ITFG1: variants seen among roughly 807,000 people sequenced by gnomAD.
ITFG1 encodes the protein integrin alpha FG-GAP repeat containing 1, also known as T-cell immunomodulatory protein.
A neutral mutation model predicts 81.8 loss-of-function variants in ITFG1; 34 were observed. The observed-to-expected ratio is 0.42, with a 90% confidence interval of 0.32 to 0.55. ITFG1 has a LOEUF of 0.55. Ranked by LOEUF, ITFG1 falls within the 20% of genes least tolerant of loss-of-function variation. The pLI, the probability that ITFG1 is intolerant of heterozygous loss-of-function variation, is 0.17. For missense variants in ITFG1, 672 were observed against 755.4 expected (o/e 0.89, Z 1.29); for synonymous variants, 285 against 270.6 (o/e 1.05, Z -0.52).
chr16:47,388,247 T>C (rs1968486996), intron 6 of ITFG1, among the ~76,000 whole-genome samples: 1 of 152,106 alleles, frequency 6.6e-6, no homozygotes, highest in Non-Finnish European at 1.5e-5. Context: ...AGTTCTCTAG[T>C]AGAAGTGAGA....
At chr16:47,228,459 C>T (rs1014300988) in intron 13 of ITFG1, among the ~76,000 whole-genome samples, 1 of 152,136 alleles carries the variant, frequency 6.6e-6, no homozygotes. Context: ...TGTGCTCAGG[C>T]GATCCTCCCA....
intron 7 of ITFG1, among the ~76,000 whole-genome samples, chr16:47,366,411 C>A (rs1381824884): frequency 6.6e-6 from 1 of 152,112 alleles, no homozygotes; most frequent in South Asian, 2.1e-4. Flanking sequence ...GTTTACATAT[C>A]AATGAGAAGA....
rs1965336445 is a variant in ITFG1 at position 47,194,766 on chromosome 16, T to A, written c.1453+24102A>T. ...GGATATATGTGCAGAATGTGCAGGT[T>A]TGTTACATAGGTACACATGTGCCAT... On this transcript the variant is annotated intron_variant, in intron 14 of 17. Coordinates refer to ENST00000320640, the MANE Select transcript of ITFG1 (RefSeq NM_030790.5). 2.0e-5 allele frequency among the ~76,000 whole-genome samples: 3 copies of A among 152,286 alleles called. No homozygotes were observed. In the South Asian group the frequency reaches 6.2e-4, roughly 32 times the overall value.
At chr16:47,437,332 G>A (rs977496604) in intron 5 of ITFG1, among the ~76,000 whole-genome samples, 3 of 152,054 alleles carry the variant, frequency 2.0e-5, no homozygotes, top group African/African-American at 7.2e-5. Flanking sequence ...GTCAGGCATG[G>A]TGGCATGCAT....
intron 8 of ITFG1, among the ~76,000 whole-genome samples, chr16:47,325,809 C>T (rs923054008): frequency 1.3e-5 from 2 of 152,090 alleles, no homozygotes; most frequent in Non-Finnish European, 2.9e-5. Flanking sequence ...CAATAACAGG[C>T]TCTGAAACTG....
intron 10 of ITFG1, among the ~76,000 whole-genome samples, chr16:47,292,851 T>TATATA (rs1966925561): frequency 6.6e-6 from 1 of 151,660 alleles, no homozygotes. Flanking sequence ...TCTCTCTCCC[T>TATATA]TCCAAGTCTT....
chr16:47,360,723 T>G (rs1457938343), intron 8 of ITFG1, among the ~76,000 whole-genome samples: 21 of 152,164 alleles, frequency 1.4e-4, no homozygotes, highest in Admixed American at 1.4e-3. Flanking sequence ...TGATTTACTT[T>G]CCAGATCAAA....
At chr16:47,298,567 C>G (rs1449547565) in intron 10 of ITFG1, among the ~76,000 whole-genome samples, 1 of 151,854 alleles carries the variant, frequency 6.6e-6, no homozygotes, top group African/African-American at 2.4e-5. Context: ...AGACTCTGTA[C>G]AATATTAGTT....
At chr16:47,369,440 G>GC (rs1382875534) in intron 7 of ITFG1, among the ~76,000 whole-genome samples, 1 of 152,198 alleles carries the variant, frequency 6.6e-6, no homozygotes, top group Non-Finnish European at 1.5e-5. Flanking sequence ...GGAATGAAAG[G>GC]CAACAGTGTT....
chr16:47,438,047 G>A (rs1448955273), intron 5 of ITFG1, among the ~76,000 whole-genome samples: 1 of 152,214 alleles, frequency 6.6e-6, no homozygotes, highest in Non-Finnish European at 1.5e-5. Flanking sequence ...CCTGCACCTG[G>A]CTCGGAGGGT....
chr16:47,288,407 G>GGGT (rs1198372774), intron 10 of ITFG1, among the ~76,000 whole-genome samples: 1 of 152,118 alleles, frequency 6.6e-6, no homozygotes, highest in African/African-American at 2.4e-5. Flanking sequence ...ATAAACATGG[G>GGGT]GGTACAGGTA....
At chr16:47,366,408 T>C (rs916106937) in intron 7 of ITFG1, among the ~76,000 whole-genome samples, 1 of 152,202 alleles carries the variant, frequency 6.6e-6, no homozygotes, top group Non-Finnish European at 1.5e-5. Context: ...CAAGTTTACA[T>C]ATCAATGAGA....
At chr16:47,272,746 G>A (rs1422913121) in intron 10 of ITFG1, among the ~76,000 whole-genome samples, 1 of 151,842 alleles carries the variant, frequency 6.6e-6, no homozygotes, top group Non-Finnish European at 1.5e-5. Context: ...TGGGTGAATT[G>A]TATGGTGTGT....
chr16:47,302,468 T>C (rs1347119389), intron 10 of ITFG1, among the ~76,000 whole-genome samples: 3 of 152,282 alleles, frequency 2.0e-5, no homozygotes, highest in Non-Finnish European at 4.4e-5. Context: ...CTGGCAGTCC[T>C]CACAGCCCTC....
chr16:47,456,263 T>C (rs912560235), intron 2 of ITFG1, among the ~76,000 whole-genome samples: 1 of 151,798 alleles, frequency 6.6e-6, no homozygotes, highest in South Asian at 2.1e-4. Flanking sequence ...CAGAACAAAA[T>C]AGAAAAAGAA....
chr16:47,188,722 T>C (rs905472195), intron 14 of ITFG1, among the ~76,000 whole-genome samples: 3 of 151,468 alleles, frequency 2.0e-5, no homozygotes, highest in African/African-American at 7.3e-5. Context: ...TATACATACG[T>C]AACTAACCTG....
chr16:47,429,128 T>A (rs1016155497), intron 5 of ITFG1, among the ~76,000 whole-genome samples: 1 of 152,214 alleles, frequency 6.6e-6, no homozygotes, highest in Admixed American at 6.5e-5. Flanking sequence ...AAAGAAATTG[T>A]GTACTCTATT....
chr16:47,296,632 C>T (rs935211891), intron 10 of ITFG1, among the ~76,000 whole-genome samples: 4 of 152,110 alleles, frequency 2.6e-5, no homozygotes, highest in Admixed American at 6.5e-5. Context: ...GATGGGGTTT[C>T]GCCATGTTGG....
chr16:47,334,217 A>G (rs1596904624), intron 8 of ITFG1, among the ~76,000 whole-genome samples: 1 of 152,100 alleles, frequency 6.6e-6, no homozygotes, highest in African/African-American at 2.4e-5. Context: ...GGGAGGCTGA[A>G]GCAGGTGGAC....
Sources: allele counts gnomAD v4.1 joint callset (sites outside exome capture counted in the v4.1 genomes callset), GRCh38; gene constraint gnomAD v4.1.1; transcripts MANE v1.5; gene names NCBI Gene and HGNC (gene_info 2026-07-23, HGNC 2026-07-21).